Variants in TRPM3 observed in about 807,000 individuals in gnomAD.
The protein encoded by TRPM3 is long transient receptor potential channel 3.
In TRPM3, 77 loss-of-function variants were observed where a neutral mutation model predicts 181.2. The ratio of observed to expected loss-of-function variants is 0.42; its 90% confidence interval spans 0.35 to 0.51. The LOEUF is 0.51. Among genes scored for constraint, TRPM3 ranks in the 20% least tolerant of loss-of-function variants. The pLI is 0.01. For missense variants in TRPM3, 1,759 were observed against 2,196.7 expected, an observed-to-expected ratio of 0.80 and a Z score of 3.98; for synonymous variants, 745 against 796.4, an observed-to-expected ratio of 0.94 and a Z score of 1.09.
At chr9:70,767,811 C>T (rs1013693904) in intron 7 of TRPM3, among the ~76,000 whole-genome samples, 1 of 152,178 alleles carries the variant, frequency 6.6e-6, no homozygotes, top group Admixed American at 6.5e-5. Flanking sequence ...GGACTTCTTA[C>T]ACGGAAGCTG....
chr9:71,162,463 G>A (rs1402801140), intron 1 of TRPM3, among the ~76,000 whole-genome samples: 2 of 151,874 alleles, frequency 1.3e-5, no homozygotes, highest in African/African-American at 4.8e-5. Context: ...GCATTTTATT[G>A]TACTCTTATT....
At chr9:71,053,581 T>G (rs1455755149) in intron 1 of TRPM3, among the ~76,000 whole-genome samples, 1 of 152,112 alleles carries the variant, frequency 6.6e-6, no homozygotes, top group Non-Finnish European at 1.5e-5. Flanking sequence ...TGCCCAATTT[T>G]GACAATTGTG....
At chr9:71,289,900 A>AAGCTAGATAAG (rs1199684510) in intron 1 of TRPM3, among the ~76,000 whole-genome samples, 1 of 148,328 alleles carries the variant, frequency 6.7e-6, no homozygotes, top group Non-Finnish European at 1.5e-5. Context: ...AAAAAAAAAA[A>AAGCTAGATAAG]AGCTAGATAA....
chr9:71,013,961 GCTTT>G (rs1425804975), intron 1 of TRPM3, among the ~76,000 whole-genome samples: 1 of 151,510 alleles, frequency 6.6e-6, no homozygotes, highest in African/African-American at 2.4e-5. Context: ...TCTCCCTTCT[GCTTT>G]CTTTTGATTT....
intron 25 of TRPM3, among the ~76,000 whole-genome samples, 181 bp downstream of exon 25, chr9:70,549,361 C>G (rs2045897050): frequency 6.6e-6 from 1 of 152,146 alleles, no homozygotes; most frequent in Admixed American, 6.5e-5. Flanking sequence ...ATCTGTAAGT[C>G]TGGGATTTTG....
chr9:71,432,475 A>G (rs757518580), intron 1 of TRPM3, among the ~76,000 whole-genome samples: 1 of 151,612 alleles, frequency 6.6e-6, no homozygotes, highest in Non-Finnish European at 1.5e-5. Context: ...TACATTCAAT[A>G]ACTTGATGAA....
At chr9:71,319,129 T>G (rs1160558825) in intron 1 of TRPM3, among the ~76,000 whole-genome samples, 1 of 145,156 alleles carries the variant, frequency 6.9e-6, no homozygotes, top group Non-Finnish European at 1.5e-5. Flanking sequence ...AGTGGGCAAA[T>G]TGATGAGCTG....
chr9:70,565,601 T>A (rs1003736442), intron 22 of TRPM3, among the ~76,000 whole-genome samples: 1 of 148,850 alleles, frequency 6.7e-6, no homozygotes, highest in African/African-American at 2.5e-5. Context: ...CCTAGATTTA[T>A]CTGTTAAAAA....
intron 1 of TRPM3, among the ~76,000 whole-genome samples, chr9:71,420,500 G>T (rs538038236): frequency 1.8e-4 from 27 of 148,032 alleles, no homozygotes; most frequent in Non-Finnish European, 3.4e-4. Context: ...AAGCTTTCTC[G>T]CAGCAACAAA....
intron 1 of TRPM3, among the ~76,000 whole-genome samples, chr9:71,054,768 G>T (rs1395954156): frequency 2.0e-5 from 3 of 152,082 alleles, no homozygotes; most frequent in African/African-American, 7.2e-5. Flanking sequence ...GAAGGGGCAG[G>T]ATTGGGGCAG....
At chr9:70,930,082 G>C (rs1416033504) in intron 1 of TRPM3, among the ~76,000 whole-genome samples, 1 of 152,194 alleles carries the variant, frequency 6.6e-6, no homozygotes, top group Non-Finnish European at 1.5e-5. Flanking sequence ...CGGGTGCAAG[G>C]TTTTGAGCTT....
chr9:71,314,989 A>G (rs2088417005), intron 1 of TRPM3, among the ~76,000 whole-genome samples: 1 of 152,128 alleles, frequency 6.6e-6, no homozygotes, highest in East Asian at 1.9e-4. Flanking sequence ...AGAATGTTTG[A>G]TCTTGTACAA....
Position 70,790,174 on chromosome 9 carries a change from T to TA in TRPM3, c.974-5896dup, listed in dbSNP as rs1412680059. On this transcript the variant is annotated intron_variant, in intron 6 of 25. Coordinates refer to ENST00000677713, the MANE Select transcript of TRPM3 (RefSeq NM_001366145.2). ...ATGTCAAGGTCACCCACAGATGATC[T>TA]AAAGTGCGTATGGGTCTGAAGGATA... Among the ~76,000 whole-genome samples the TA allele has an allele frequency of 2.0e-5, 3 of 152,214 alleles. No homozygotes were observed. The East Asian group carries it at 5.8e-4, about 29-fold the overall frequency.
chr9:71,349,196 G>A (rs2091462386), intron 1 of TRPM3, among the ~76,000 whole-genome samples: 1 of 152,162 alleles, frequency 6.6e-6, no homozygotes, highest in Non-Finnish European at 1.5e-5. Context: ...TCTTTTATCA[G>A]TATTATGATG....
intron 12 of TRPM3, among the ~76,000 whole-genome samples, chr9:70,626,448 C>A (rs561646181): frequency 6.6e-6 from 1 of 152,116 alleles, no homozygotes; most frequent in Non-Finnish European, 1.5e-5. Flanking sequence ...AATGAAGGAC[C>A]CACCCAGGAT....
At chr9:71,274,436 A>T (rs1233430287) in intron 1 of TRPM3, among the ~76,000 whole-genome samples, 1 of 152,210 alleles carries the variant, frequency 6.6e-6, no homozygotes, top group African/African-American at 2.4e-5. Context: ...TTAAGGTATT[A>T]GTGAAAAAGC....
intron 1 of TRPM3, among the ~76,000 whole-genome samples, chr9:71,103,360 T>C (rs916010929): frequency 6.6e-6 from 1 of 152,204 alleles, no homozygotes; most frequent in Non-Finnish European, 1.5e-5. Flanking sequence ...TGCTCTCTTA[T>C]TACCTGAGTA....
At chr9:70,698,552 G>A (rs989817859) in intron 8 of TRPM3, among the ~76,000 whole-genome samples, 4 of 152,220 alleles carry the variant, frequency 2.6e-5, no homozygotes, top group African/African-American at 9.6e-5. Context: ...AAGCGGGTGA[G>A]TTTTAATTTG....
At chr9:70,803,692 A>C (rs1752662) in intron 6 of TRPM3, among the ~76,000 whole-genome samples, 149,199 of 151,838 alleles carry the variant, frequency 0.98, 73,390 homozygotes, top group Middle Eastern at 1. Context: ...CCTCGTGATC[A>C]GTCCGTCTCG....
Sources: allele counts gnomAD v4.1 joint callset (sites outside exome capture counted in the v4.1 genomes callset), GRCh38; gene constraint gnomAD v4.1.1; transcripts MANE v1.5; gene names NCBI Gene and HGNC (gene_info 2026-07-23, HGNC 2026-07-21).